The following ADAM10 variants were observed in gnomAD, a reference collection of about 807,000 sequenced individuals.
The protein encoded by ADAM10 is ADAM metallopeptidase domain 10.
In ADAM10, 17 loss-of-function variants were observed where a neutral mutation model predicts 90.1. The ratio of observed to expected loss-of-function variants is 0.19; its 90% CI spans 0.13 to 0.28. The LOEUF is 0.28. Ranked by LOEUF, ADAM10 falls within the 10% of genes least tolerant of loss-of-function variation. ADAM10 has a pLI of 1.00. For synonymous variants in ADAM10, 310 were observed against 298.6 expected (o/e 1.04, Z -0.40); for missense variants, 610 against 914.3 (o/e 0.67, Z 4.29).
intron 1 of ADAM10, chr15:58,749,027 C>G: frequency 2.5e-6 from 1 of 399,124 alleles, no homozygotes. Context: ...AATCCGCCAC[C>G]GGGCAGGGGC....
intron 5 of ADAM10, among the ~76,000 whole-genome samples, chr15:58,661,406 T>C (rs748056292): frequency 2.2e-4 from 33 of 152,182 alleles, no homozygotes; most frequent in Non-Finnish European, 4.1e-4. Context: ...TTTTGAAAAT[T>C]ATTTTCACTG....
At chr15:58,614,952 A>T (rs11638244) in intron 11 of ADAM10, among the ~76,000 whole-genome samples, 78,124 of 152,048 alleles carry the variant, frequency 0.51, 22,844 homozygotes, top group East Asian at 0.94. Flanking sequence ...AGAAAAAAAG[A>T]AAGAAGAATA....
In ADAM10 at chr15:58,717,684, T is replaced by C; in HGVS notation, c.99A>G (p.Glu33=). ...NPLNKYIRHY[E]GLSYNVDSLH... ...ATGAATCCACATTGTAAGATAATCCTTCATAATGTCTGATATATTTATTTA... is the reference window on the plus strand; with the variant it reads ...ATGAATCCACATTGTAAGATAATCCCTCATAATGTCTGATATATTTATTTA... Residue 33 remains glutamate, a synonymous_variant, in exon 2 of 16, where the codon GAA becomes GAG. Transcript: ENST00000260408. The C allele has an allele frequency of 6.2e-7, 1 of 1,613,654 alleles. No homozygotes were observed.
In ADAM10 at chr15:58,717,730, AT is replaced by A; in HGVS notation, c.56-4del. On this transcript the variant is annotated splice_region_variant and splice_polypyrimidine_tract_variant and intron_variant, in intron 1 of 15. Coordinates refer to ENST00000260408, the MANE Select transcript of ADAM10 (RefSeq NM_001110.4). ...ATTTAAAGGATTCCCATACTGACCTATAAAAAAAAAACAACATTCTGAATTA... is the reference window on the plus strand; with the variant it reads ...ATTTAAAGGATTCCCATACTGACCTAAAAAAAAAAACAACATTCTGAATTA... 1 of 1,609,822 alleles carries A rather than the reference AT, an allele frequency of 6.2e-7. No individual in the cohort carries two copies. Among genetic ancestry groups the A allele is most frequent in the Non-Finnish European group, 8.5e-7 (1 of 1,178,384 alleles).
At chr15:58,627,938 T>G in intron 9 of ADAM10, 55 bp from the exon 10 acceptor site, 2 of 1,536,620 alleles carry the variant, frequency 1.3e-6, no homozygotes, top group South Asian at 2.2e-5. Flanking sequence ...GGTTTTCAGG[T>G]CAACTGATTA....
At chr15:58,666,622 G>A (rs148981344) in intron 4 of ADAM10, among the ~76,000 whole-genome samples, 111 of 151,822 alleles carry the variant, frequency 7.3e-4, no homozygotes, top group African/African-American at 2.6e-3. Flanking sequence ...AAAATCTTTC[G>A]TCAAAACCCT....
chr15:58,618,497 A>G (rs1895685061), intron 11 of ADAM10, among the ~76,000 whole-genome samples: 1 of 152,186 alleles, frequency 6.6e-6, no homozygotes, highest in South Asian at 2.1e-4. Context: ...CAGACAACAA[A>G]AGCAAAAATA....
intron 5 of ADAM10, among the ~76,000 whole-genome samples, chr15:58,646,572 T>C (rs1566978840): frequency 6.6e-6 from 1 of 152,238 alleles, no homozygotes; most frequent in African/African-American, 2.4e-5. Context: ...CTAAGGTATC[T>C]ACCCATTATC....
chr15:58,693,168 C>G (rs1897879491), intron 2 of ADAM10: 1 of 725,922 alleles, frequency 1.4e-6, no homozygotes, highest in Non-Finnish European at 2.6e-6. Flanking sequence ...TCGCCACCTC[C>G]CCTTCTCCAT....
intron 2 of ADAM10, among the ~76,000 whole-genome samples, chr15:58,706,795 G>A (rs1898304053): frequency 6.6e-6 from 1 of 152,116 alleles, no homozygotes; most frequent in Admixed American, 6.6e-5. Context: ...TGGATCACGA[G>A]GTCAAGAGTT....
chr15:58,649,379 T>C (rs1398691215), intron 5 of ADAM10, among the ~76,000 whole-genome samples: 2 of 152,200 alleles, frequency 1.3e-5, no homozygotes, highest in Non-Finnish European at 2.9e-5. Context: ...TACAAGTCTT[T>C]ACTATTAGTG....
At chr15:58,678,436 A>G (rs1364864520) in intron 4 of ADAM10, among the ~76,000 whole-genome samples, 1 of 152,214 alleles carries the variant, frequency 6.6e-6, no homozygotes, top group Non-Finnish European at 1.5e-5. Context: ...GTCTAATTAC[A>G]GTCAAAAAAT....
intron 15 of ADAM10, 22 bp downstream of exon 15, chr15:58,599,576 T>C (rs772748153): frequency 6.2e-7 from 1 of 1,611,766 alleles, no homozygotes; most frequent in Non-Finnish European, 8.5e-7. Flanking sequence ...CATAAATATG[T>C]ATCTTGCTCA....
chr15:58,660,874 T>C (rs1896949637), intron 5 of ADAM10, among the ~76,000 whole-genome samples: 1 of 152,252 alleles, frequency 6.6e-6, no homozygotes, highest in Non-Finnish European at 1.5e-5. Context: ...TCTTCAATTC[T>C]GCCACTATAA....
chr15:58,602,203 A>G (rs543149969), intron 14 of ADAM10, among the ~76,000 whole-genome samples: 3 of 152,148 alleles, frequency 2.0e-5, no homozygotes, highest in African/African-American at 7.2e-5. Context: ...TGTCCTCATC[A>G]TTCTTTGAGC....
intron 2 of ADAM10, among the ~76,000 whole-genome samples, chr15:58,686,817 T>C (rs1897616579): frequency 6.6e-6 from 1 of 152,212 alleles, no homozygotes; most frequent in South Asian, 2.1e-4. Flanking sequence ...AATAGAGTTT[T>C]AAATAGTAAT....
chr15:58,602,878 A>C (rs1345393182), intron 14 of ADAM10, among the ~76,000 whole-genome samples: 2 of 152,236 alleles, frequency 1.3e-5, no homozygotes, highest in African/African-American at 4.8e-5. Flanking sequence ...GTAAGGTGGA[A>C]TGCAATTCAA....
chr15:58,730,008 A>AAAAAAAAAAAAC (rs1567016190), intron 1 of ADAM10, among the ~76,000 whole-genome samples: 2 of 141,534 alleles, frequency 1.4e-5, no homozygotes, highest in South Asian at 2.4e-4. Flanking sequence ...ACAAACAAAA[A>AAAAAAAAAAAAC]AAAAAACTCA....
chr15:58,745,670 T>C (rs1899767724), intron 1 of ADAM10, among the ~76,000 whole-genome samples: 1 of 152,104 alleles, frequency 6.6e-6, no homozygotes, highest in African/African-American at 2.4e-5. Context: ...TTTTTAAAAG[T>C]TGGAGCCATC....
Sources: allele counts gnomAD v4.1 joint callset (sites outside exome capture counted in the v4.1 genomes callset), GRCh38; gene constraint gnomAD v4.1.1; transcripts MANE v1.5; gene names NCBI Gene and HGNC (gene_info 2026-07-23, HGNC 2026-07-21).